The following NTM variants were observed in gnomAD, a reference collection of about 807,000 sequenced individuals.
The protein encoded by NTM is IgLON family member 2.
NTM carries 13 observed loss-of-function variants against 42.1 expected under a neutral mutation model. The observed-to-expected ratio is 0.31, with a 90% confidence interval of 0.20 to 0.49. The LOEUF (loss-of-function observed/expected upper bound fraction) is 0.49, where lower values mean the gene tolerates loss of function less well. NTM is among the 20% of genes least tolerant of loss of function. The pLI is 0.99. For missense variants in NTM, 373 were observed against 452.8 expected (o/e 0.82, Z 1.60); for synonymous variants, 187 against 179.2 (o/e 1.04, Z -0.35).
chr11:131,890,189 T>A (rs1418563329), intron 1 of NTM, among the ~76,000 whole-genome samples: 3 of 150,620 alleles, frequency 2.0e-5, no homozygotes, highest in African/African-American at 7.4e-5. Flanking sequence ...TCTCTCTCTC[T>A]CTCTCACACA....
intron 1 of NTM, among the ~76,000 whole-genome samples, chr11:131,709,954 A>C (rs1013162964): frequency 1.3e-5 from 2 of 151,954 alleles, no homozygotes; most frequent in Non-Finnish European, 2.9e-5. Flanking sequence ...GAAGGAAGAG[A>C]GTGTACTGTA....
intron 1 of NTM, among the ~76,000 whole-genome samples, chr11:131,473,940 A>T (rs1326919022): frequency 6.6e-6 from 1 of 152,082 alleles, no homozygotes; most frequent in Non-Finnish European, 1.5e-5. Flanking sequence ...TTTTCCCTTA[A>T]AATTAAGAAT....
chr11:132,317,370 G>A lies in NTM; in HGVS notation c.934+2667G>A, dbSNP rs1433341250. 4.6e-5 allele frequency among the ~76,000 whole-genome samples: 7 copies of A among 152,186 alleles called. 1 individual carries two copies. The highest frequency in any genetic ancestry group is 4.6e-4 in the Admixed American group (7 of 15,284). ...GTTATCCAGTTAGTAGCATGGCTCAGCATGAGCTAAGAGTGAATCCAACTG... is the reference window on the plus strand; with the variant it reads ...GTTATCCAGTTAGTAGCATGGCTCAACATGAGCTAAGAGTGAATCCAACTG... On this transcript the variant is annotated intron_variant, in intron 7 of 8. Transcript: ENST00000683400.
intron 2 of NTM, among the ~76,000 whole-genome samples, chr11:132,069,126 G>T (rs190813371): frequency 1.0e-3 from 152 of 151,774 alleles, no homozygotes; most frequent in Middle Eastern, 3.4e-3. Flanking sequence ...TAGTTTACAC[G>T]TCACACAGCC....
chr11:132,003,484 G>T lies in NTM; in HGVS notation c.167+91836G>T, dbSNP rs534217392. On this transcript the variant is annotated intron_variant, in intron 2 of 8. Transcript: ENST00000683400. The surrounding 1 kb of genome is among the most constrained non-coding windows in gnomAD (Gnocchi z 6.0). ...TGCTCTTGAGTTCCTGGGCTCAAGC[G>T]ATCCTTCTGGCTCAGACCTCCAATG... 6.6e-6 allele frequency among the ~76,000 whole-genome samples: 1 copy of T among 152,046 alleles called. No homozygotes were observed. Among genetic ancestry groups the T allele is most frequent in the African/African-American group, 2.4e-5 (1 of 41,410 alleles).
chr11:131,447,958 A>C (rs983611743), intron 1 of NTM, among the ~76,000 whole-genome samples: 1 of 152,190 alleles, frequency 6.6e-6, no homozygotes, highest in African/African-American at 2.4e-5. Context: ...GTCGGATTTC[A>C]CATCCATTTC....
intron 5 of NTM, 96 bp downstream of exon 5, chr11:132,307,919 C>A: frequency 1.7e-6 from 2 of 1,206,844 alleles, no homozygotes; most frequent in Non-Finnish European, 2.3e-6. Context: ...CAGCTACTGA[C>A]TTAGGGTGGG....
intron 1 of NTM, among the ~76,000 whole-genome samples, chr11:131,516,646 A>G (rs2136511651): frequency 6.6e-6 from 1 of 152,334 alleles, no homozygotes; most frequent in South Asian, 2.1e-4. Flanking sequence ...TGCTGAGATT[A>G]CAGGCATGAG....
Position 132,330,732 on chromosome 11 carries a change from G to A in NTM, c.967+547G>A, listed in dbSNP as rs138695799. On this transcript the variant is annotated intron_variant, in intron 8 of 8. Transcript: ENST00000683400. Reference sequence around the variant, plus strand: ...CGATGGATAATTGACACTCATCACCGTTCTCTGGGACCCTAACTGTCCTGG... The same window carrying A: ...CGATGGATAATTGACACTCATCACCATTCTCTGGGACCCTAACTGTCCTGG... Among the ~76,000 whole-genome samples the A allele has an allele frequency of 3.6e-3, 550 of 152,242 alleles. 1 individual carries two copies. Among genetic ancestry groups the A allele is most frequent in the African/African-American group, 9.0e-3 (374 of 41,542 alleles).
At chr11:131,639,593 C>T (rs971437913) in intron 1 of NTM, among the ~76,000 whole-genome samples, 13 of 152,126 alleles carry the variant, frequency 8.5e-5, no homozygotes, top group African/African-American at 2.2e-4. Context: ...GAAGCACAAC[C>T]GTTGCCTCTG....
chr11:131,883,648 G>A (rs2049907699), intron 1 of NTM, among the ~76,000 whole-genome samples: 1 of 152,184 alleles, frequency 6.6e-6, no homozygotes, highest in African/African-American at 2.4e-5. Flanking sequence ...CCCATACCGT[G>A]CACATTCTCT....
chr11:131,688,513 C>T (rs570287623), intron 1 of NTM, among the ~76,000 whole-genome samples: 1 of 152,378 alleles, frequency 6.6e-6, no homozygotes, highest in South Asian at 2.1e-4. Context: ...TTAAGAGTCG[C>T]GGCTCCTCCC....
intron 2 of NTM, among the ~76,000 whole-genome samples, chr11:131,980,019 C>T (rs2065004269): frequency 6.6e-6 from 1 of 152,078 alleles, no homozygotes; most frequent in Non-Finnish European, 1.5e-5. Flanking sequence ...TCCAACTGCA[C>T]CTTGTAGATG....
At chr11:131,771,663 T>G (rs1339845944) in intron 1 of NTM, 2 of 152,260 alleles carry the variant, frequency 1.3e-5, no homozygotes, top group African/African-American at 4.8e-5. Context: ...TGGATCTCAG[T>G]GTTCTCCTCC....
intron 1 of NTM, among the ~76,000 whole-genome samples, chr11:131,500,743 C>G: frequency 2.1e-5 from 2 of 95,044 alleles, no homozygotes; most frequent in Non-Finnish European, 3.8e-5. Flanking sequence ...CCTCCCCCCA[C>G]CCCACAACAG....
At chr11:131,497,002 G>A in intron 1 of NTM, among the ~76,000 whole-genome samples, 1 of 152,094 alleles carries the variant, frequency 6.6e-6, no homozygotes, top group Non-Finnish European at 1.5e-5. Flanking sequence ...ATTCTCTCTA[G>A]CAGGAGGTCG....
chr11:132,078,409 G>A (rs2058630430), intron 2 of NTM, among the ~76,000 whole-genome samples: 1 of 152,210 alleles, frequency 6.6e-6, no homozygotes, highest in East Asian at 1.9e-4. Context: ...TAGCACTGGG[G>A]TACCTGGGTG....
rs536198020 is a variant in NTM, at chr11:131,952,172, C to T, written c.167+40524C>T. Among the ~76,000 whole-genome samples, 7 of 152,146 alleles carry T rather than the reference C, an allele frequency of 4.6e-5. No homozygotes were observed. In the South Asian group the frequency reaches 1.0e-3, roughly 23 times the overall value. ...TCCCTATCCTCATAAAACACATCTC[C>T]GATTCTCAATCTCATTCTCTGACTC... On this transcript the variant is annotated intron_variant, in intron 2 of 8. Coordinates refer to ENST00000683400, the MANE Select transcript of NTM (RefSeq NM_001352005.2).
intron 1 of NTM, among the ~76,000 whole-genome samples, chr11:131,715,253 A>C (rs1380763758): frequency 6.6e-6 from 1 of 152,240 alleles, no homozygotes; most frequent in African/African-American, 2.4e-5. Flanking sequence ...CAGAATTACT[A>C]TTCCTATTTA....
Sources: allele counts gnomAD v4.1 joint callset (sites outside exome capture counted in the v4.1 genomes callset), GRCh38; gene constraint gnomAD v4.1.1; non-coding constraint Gnocchi (gnomAD v3.1); transcripts MANE v1.5; gene names NCBI Gene and HGNC (gene_info 2026-07-23, HGNC 2026-07-21).